Variants in OPN3 observed in about 807,000 individuals in gnomAD.
OPN3 encodes the protein opsin 3.
Under a neutral mutation model 33.8 loss-of-function variants are expected in OPN3, and 29 were observed. The observed-to-expected ratio is 0.86, with a 90% CI of 0.64 to 1.17. The LOEUF (loss-of-function observed/expected upper bound fraction) is 1.17. Among genes scored for constraint, OPN3 ranks in the 50% most tolerant of loss-of-function variants. The probability of loss-of-function intolerance (pLI) is 0.00; values close to 1 mark genes in which losing one functional copy is unlikely to be tolerated. For synonymous variants in OPN3, 216 were observed against 216.1 expected (o/e 1.00, Z 0.00); for missense variants, 437 against 514.1 (o/e 0.85, Z 1.45).
At position 241,640,343 on chromosome 1, in the gene OPN3, C is replaced by T. The variant is rs1665081181; in HGVS notation, c.-89G>A. ...TCCGCACTGGGTGGGGTTGGGGCTC[C>T]GCCGCCTGCTCTAGCCATTGTGCAC... On this transcript the variant is annotated 5_prime_UTR_variant, in exon 1 of 4. Transcript: ENST00000366554. The T allele has an allele frequency of 9.4e-7, 1 of 1,065,890 alleles. No individual in the cohort carries two copies. Among genetic ancestry groups the T allele is most frequent in the East Asian group, 7.5e-5 (1 of 13,254 alleles). The allele number at this position is 1,065,890 out of a possible 1,614,324, so 66.0% of individuals were successfully genotyped here.
At chr1:241,596,851 G>T (rs1276086368) in intron 3 of OPN3, among the ~76,000 whole-genome samples, 1 of 152,130 alleles carries the variant, frequency 6.6e-6, no homozygotes, top group Non-Finnish European at 1.5e-5. Context: ...TTGAGACAGG[G>T]TCTCGCTCTG....
chr1:241,635,095 T>C, intron 1 of OPN3: 1 of 1,612,848 alleles, frequency 6.2e-7, no homozygotes, highest in Non-Finnish European at 8.5e-7. Flanking sequence ...TCCTGCCTTC[T>C]TTAACTATTT....
chr1:241,601,557 T>G (rs547589060), intron 2 of OPN3, among the ~76,000 whole-genome samples: 2 of 151,970 alleles, frequency 1.3e-5, no homozygotes, highest in Admixed American at 6.6e-5. Flanking sequence ...ATTTTAAAAA[T>G]TAGCCAGGCA....
rs1663413641 is a variant in OPN3, at chr1:241,593,957, A to G, written c.*471T>C. 1 of 154,938 alleles carries G rather than the reference A, an allele frequency of 6.5e-6. No homozygotes were observed. The allele number at this position is 154,938 out of a possible 1,614,324, so 9.6% of individuals were successfully genotyped here. On this transcript the variant is annotated 3_prime_UTR_variant, in exon 4 of 4. Coordinates refer to ENST00000366554, the MANE Select transcript of OPN3 (RefSeq NM_014322.3). ...ACAAGAGGATTTTCTTTTTCATTCT[A>G]GAATTATCTCCTTGATAACTTGATC...
intron 1 of OPN3, chr1:241,634,360 A>G (rs753464772): frequency 6.2e-7 from 1 of 1,614,000 alleles, no homozygotes; most frequent in Non-Finnish European, 8.5e-7. Context: ...GCTGATCTAA[A>G]TCTGTCTTTA....
intron 1 of OPN3, chr1:241,629,962 C>T (rs991328993): frequency 3.3e-5 from 5 of 151,954 alleles, no homozygotes; most frequent in Non-Finnish European, 7.4e-5. Flanking sequence ...GCTTGCTTTC[C>T]TAAATAATTT....
At chr1:241,602,334 G>A (rs1663698703) in intron 2 of OPN3, among the ~76,000 whole-genome samples, 2 of 152,142 alleles carry the variant, frequency 1.3e-5, no homozygotes. Context: ...TGTGTCCATG[G>A]GATCACATAT....
intron 1 of OPN3, among the ~76,000 whole-genome samples, chr1:241,624,094 C>G (rs530870544): frequency 6.6e-6 from 1 of 150,432 alleles, no homozygotes; most frequent in South Asian, 2.1e-4. Flanking sequence ...ACTGTGGACC[C>G]TCTTCCACCT....
intron 1 of OPN3, among the ~76,000 whole-genome samples, chr1:241,619,359 G>A (rs768544989): frequency 5.3e-5 from 8 of 152,150 alleles, no homozygotes; most frequent in African/African-American, 1.7e-4. Context: ...ACCGATGTCC[G>A]GGTGCCAGGC....
At chr1:241,626,532 A>G (rs969799542) in intron 1 of OPN3, among the ~76,000 whole-genome samples, 2 of 152,218 alleles carry the variant, frequency 1.3e-5, no homozygotes, top group Non-Finnish European at 2.9e-5. Flanking sequence ...TCATTTCTCC[A>G]TAATACTTCA....
intron 1 of OPN3, among the ~76,000 whole-genome samples, chr1:241,618,178 T>C (rs593963): frequency 0.75 from 113,905 of 152,140 alleles, 43,202 homozygotes; most frequent in African/African-American, 0.87. Context: ...GGGGTTAACA[T>C]GAATTTAACT....
At chr1:241,625,601 G>T (rs1161203464) in intron 1 of OPN3, among the ~76,000 whole-genome samples, 1 of 152,098 alleles carries the variant, frequency 6.6e-6, no homozygotes, top group Non-Finnish European at 1.5e-5. Context: ...TTTTGTTTTG[G>T]AATCTGTGTT....
At chr1:241,599,542 C>T (rs1045439541) in intron 2 of OPN3, among the ~76,000 whole-genome samples, 1 of 151,904 alleles carries the variant, frequency 6.6e-6, no homozygotes, top group Admixed American at 6.5e-5. Context: ...TTGCACCAAC[C>T]GAATACTACT....
intron 1 of OPN3, chr1:241,633,894 G>A: frequency 6.2e-7 from 1 of 1,613,852 alleles, no homozygotes; most frequent in Non-Finnish European, 8.5e-7. Flanking sequence ...GGAGCCTCTG[G>A]CTGCTTATCA....
chr1:241,607,247 G>T (rs1222341728), intron 1 of OPN3, among the ~76,000 whole-genome samples: 2 of 152,140 alleles, frequency 1.3e-5, no homozygotes, highest in Non-Finnish European at 2.9e-5. Context: ...GGGCGTGGTG[G>T]CTCACACCTA....
chr1:241,624,709 T>A (rs1445920638), intron 1 of OPN3, among the ~76,000 whole-genome samples: 1 of 152,102 alleles, frequency 6.6e-6, no homozygotes, highest in South Asian at 2.1e-4. Context: ...TGTGAAGAAA[T>A]CAGAACAGTT....
intron 1 of OPN3, among the ~76,000 whole-genome samples, chr1:241,604,976 G>C (rs1046625821): frequency 1.3e-5 from 2 of 151,178 alleles, no homozygotes; most frequent in Non-Finnish European, 2.9e-5. Flanking sequence ...GGTTGCTTGA[G>C]CCCAGAGAGG....
At chr1:241,606,586 T>A (rs1031867936) in intron 1 of OPN3, among the ~76,000 whole-genome samples, 6 of 126,868 alleles carry the variant, frequency 4.7e-5, no homozygotes, top group Admixed American at 7.8e-5. Context: ...AATAAATAAA[T>A]AAAATAAATA....
At chr1:241,597,662 C>A in intron 3 of OPN3, 84 bp downstream of exon 3, 1 of 1,324,304 alleles carries the variant, frequency 7.6e-7, no homozygotes. Flanking sequence ...TGAAGCGACT[C>A]TGAATCACCT....
Sources: gnomAD v4.1 joint callset for allele counts (sites outside exome capture counted in the v4.1 genomes callset) on GRCh38, gnomAD v4.1.1 for gene constraint, MANE v1.5 for transcripts, NCBI Gene and HGNC (gene_info 2026-07-23, HGNC 2026-07-21) for gene names.